PTGER4: variants seen among roughly 807,000 people sequenced by gnomAD.
PTGER4 encodes the protein prostaglandin E receptor 4.
Under a neutral mutation model 33.2 loss-of-function variants are expected in PTGER4, and 11 were observed. That is an observed-to-expected ratio of 0.33 (90% CI 0.21 to 0.55). The LOEUF (loss-of-function observed/expected upper bound fraction) is 0.55, where lower values mean the gene tolerates loss of function less well. Among genes scored for constraint, PTGER4 ranks in the 20% least tolerant of loss-of-function variants. The pLI, the probability that PTGER4 is intolerant of heterozygous loss-of-function variation, is 0.92. For synonymous variants in PTGER4, 275 were observed against 281.5 expected, an observed-to-expected ratio of 0.98 and a Z score of 0.23; for missense variants, 481 against 650.2, an observed-to-expected ratio of 0.74 and a Z score of 2.83.
chr5:40,706,711 C>T, the PTGER4 span, among the ~76,000 whole-genome samples: 1 of 151,744 alleles, frequency 6.6e-6, no homozygotes, highest in Non-Finnish European at 1.5e-5. Context: ...GTAAATTAGA[C>T]ATCATGAAAA....
At chr5:40,705,284 G>A in the PTGER4 span, among the ~76,000 whole-genome samples, 1 of 152,274 alleles carries the variant, frequency 6.6e-6, no homozygotes, top group Admixed American at 6.5e-5. Flanking sequence ...GCAGAAGATT[G>A]AAGCTGGACC....
At position 40,683,614 on chromosome 5, in the gene PTGER4, CATACTTT is replaced by C. The variant is rs1741250909; in HGVS notation, c.867+1758_867+1764del. Among the ~76,000 whole-genome samples the C allele has an allele frequency of 6.6e-6, 1 of 152,328 alleles. No homozygotes were observed. Among genetic ancestry groups the C allele is most frequent in the Non-Finnish European group, 1.5e-5 (1 of 68,028 alleles). ...AGAGCTAGAAGGTTAGCAACATGCACATACTTTATAAATGTGTTTTGGTTGGAAGTAA... is the reference window on the plus strand; with the variant it reads ...AGAGCTAGAAGGTTAGCAACATGCACATAAATGTGTTTTGGTTGGAAGTAA... On this transcript the variant is annotated intron_variant, in intron 2 of 2. Coordinates refer to ENST00000302472, the MANE Select transcript of PTGER4 (RefSeq NM_000958.3). This position sits in a 1 kb window ranked among gnomAD's most constrained non-coding sequence, Gnocchi z 4.2.
At chr5:40,696,465 G>A (rs557040767), downstream of PTGER4, among the ~76,000 whole-genome samples, 3 of 152,238 alleles carry the variant, frequency 2.0e-5, no homozygotes, top group African/African-American at 4.8e-5. Flanking sequence ...AAAACAAGAC[G>A]CTTACAACAA....
chr5:40,737,612 G>A, the PTGER4 span, among the ~76,000 whole-genome samples: 6 of 151,872 alleles, frequency 4.0e-5, no homozygotes, highest in African/African-American at 1.5e-4. Flanking sequence ...ATCAAAAAAC[G>A]TACCCACTTG....
the PTGER4 span, among the ~76,000 whole-genome samples, chr5:40,741,746 T>C: frequency 6.6e-6 from 1 of 152,160 alleles, no homozygotes; most frequent in Non-Finnish European, 1.5e-5. Flanking sequence ...TCCAGCACTC[T>C]GGGTGGCCAA....
At chr5:40,738,489 CAAT>C in the PTGER4 span, among the ~76,000 whole-genome samples, 1 of 101,636 alleles carries the variant, frequency 9.8e-6, no homozygotes, top group East Asian at 2.7e-4. Flanking sequence ...CAATACAATA[CAAT>C]ACAATACAAT....
At chr5:40,690,419 A>G (rs1298570051) in intron 2 of PTGER4, among the ~76,000 whole-genome samples, 3 of 152,220 alleles carry the variant, frequency 2.0e-5, no homozygotes, top group Admixed American at 6.5e-5. Context: ...ACACAAATTC[A>G]TGCTCCATTC....
the PTGER4 span, among the ~76,000 whole-genome samples, chr5:40,728,677 G>A: frequency 2.0e-5 from 3 of 152,110 alleles, no homozygotes; most frequent in East Asian, 3.9e-4. Context: ...AAATGTAAAC[G>A]ATTCCCTTTC....
chr5:40,687,499 A>C (rs754462729), intron 2 of PTGER4, among the ~76,000 whole-genome samples: 2 of 152,154 alleles, frequency 1.3e-5, no homozygotes, highest in Non-Finnish European at 2.9e-5. Context: ...TTGAAGCACT[A>C]CTCCGGATGT....
the PTGER4 span, among the ~76,000 whole-genome samples, chr5:40,743,230 G>T: frequency 6.6e-6 from 1 of 152,098 alleles, no homozygotes; most frequent in Admixed American, 6.6e-5. Context: ...TGACAAATGA[G>T]CAGAAATCCA....
At chr5:40,695,581 A>C (rs1029330620), downstream of PTGER4, among the ~76,000 whole-genome samples, 2 of 151,550 alleles carry the variant, frequency 1.3e-5, no homozygotes, top group African/African-American at 4.9e-5. Flanking sequence ...TTAACTAGGC[A>C]TGGTGCCGTG....
chr5:40,716,831 A>C, the PTGER4 span, among the ~76,000 whole-genome samples: 1 of 152,216 alleles, frequency 6.6e-6, no homozygotes, highest in Non-Finnish European at 1.5e-5. Context: ...GGGCTAACCC[A>C]CAATCACAAA....
the PTGER4 span, among the ~76,000 whole-genome samples, chr5:40,712,004 G>T: frequency 6.6e-6 from 1 of 152,062 alleles, no homozygotes; most frequent in African/African-American, 2.4e-5. Context: ...GGTGAAGTGG[G>T]TGTTTACATT....
rs368621696 is a variant in PTGER4, at chr5:40,681,913, C to A, written c.867+53C>A. 6.8e-7 allele frequency: 1 copy of A among 1,469,420 alleles called. No individual in the cohort carries two copies. Among genetic ancestry groups the A allele is most frequent in the East Asian group, 2.6e-5 (1 of 38,828 alleles). 91.0% of individuals were successfully genotyped at this position (1,469,420 alleles called of 1,614,324 possible). On this transcript the variant is annotated intron_variant, in intron 2 of 2. Coordinates refer to ENST00000302472, the MANE Select transcript of PTGER4 (RefSeq NM_000958.3). The surrounding 1 kb of genome is among the most constrained non-coding windows in gnomAD (Gnocchi z 9.8). ...CGGCCTTTTTCTCGCATCCACCTCC[C>A]GCGTCCATTCCCCGCTCCCTGCTTT...
the PTGER4 span, among the ~76,000 whole-genome samples, chr5:40,732,760 C>T: frequency 1.6e-4 from 24 of 152,234 alleles, no homozygotes; most frequent in South Asian, 4.6e-3. Context: ...AGGCACATGC[C>T]ACCACACCTG....
Position 40,692,724 on chromosome 5 carries a change from C to A in PTGER4, c.*346C>A. On this transcript the variant is annotated 3_prime_UTR_variant, in exon 3 of 3. Coordinates refer to ENST00000302472, the MANE Select transcript of PTGER4 (RefSeq NM_000958.3). The stretch of plus-strand genomic sequence containing the variant: ...TGTCGTATTTGGCACACAGCAGAGG[C>A]CCAGATATTAGAAAGGCTCTATTCC... 5 of 1,030,030 alleles carry A rather than the reference C, an allele frequency of 4.9e-6. No homozygotes were observed. The highest frequency in any genetic ancestry group is 1.7e-5 in the African/African-American group (1 of 58,704). 63.8% of individuals were successfully genotyped at this position (1,030,030 alleles called of 1,614,324 possible).
the PTGER4 span, among the ~76,000 whole-genome samples, chr5:40,739,921 A>C: frequency 8.3e-3 from 1,265 of 152,240 alleles, 19 homozygotes; most frequent in African/African-American, 0.029. Context: ...TTTGGGAATA[A>C]TACTACAAAT....
chr5:40,723,420 G>A, the PTGER4 span, among the ~76,000 whole-genome samples: 1 of 146,656 alleles, frequency 6.8e-6, no homozygotes, highest in East Asian at 2.0e-4. Context: ...AAACACCCAA[G>A]AATGATCAAT....
At chr5:40,716,024 A>G in the PTGER4 span, 1 of 787,436 alleles carries the variant, frequency 1.3e-6, no homozygotes. Context: ...TATATGCCTC[A>G]TCTGAAAAAC....
Sources: allele counts gnomAD v4.1 joint callset (sites outside exome capture counted in the v4.1 genomes callset), GRCh38; gene constraint gnomAD v4.1.1; non-coding constraint Gnocchi (gnomAD v3.1); transcripts MANE v1.5; gene names NCBI Gene and HGNC (gene_info 2026-07-23, HGNC 2026-07-21).